Variants in IRAG2 observed in about 807,000 individuals in gnomAD.
IRAG2 encodes lymphoid restricted membrane protein.
Under a neutral mutation model 69.9 loss-of-function variants are expected in IRAG2, and 45 were observed. That is an observed-to-expected ratio of 0.64 (90% confidence interval 0.51 to 0.83). The LOEUF is 0.83. Ranked by LOEUF, IRAG2 falls within the 40% of genes least tolerant of loss-of-function variation. The pLI is 0.00. For missense variants in IRAG2, 520 were observed against 587.0 expected (o/e 0.89, Z 1.18); for synonymous variants, 193 against 202.4 (o/e 0.95, Z 0.40).
intron 10 of IRAG2, among the ~76,000 whole-genome samples, chr12:25,086,691 CA>C (rs1177453203): frequency 6.6e-6 from 1 of 151,864 alleles, no homozygotes; most frequent in Non-Finnish European, 1.5e-5. Flanking sequence ...ACAGGGAAAT[CA>C]AGGGGAAAAA....
At chr12:25,004,652 C>T in exon 1 of IRAG2, 1 of 1,232,134 alleles carries the variant, frequency 8.1e-7, no homozygotes, top group Non-Finnish European at 1.0e-6. Flanking sequence ...CACCTCAGCT[C>T]CCCTGAGACT....
chr12:25,087,961 C>G, intron 10 of IRAG2, 139 bp from the exon 11 acceptor site: 3 of 632,622 alleles, frequency 4.7e-6, no homozygotes, highest in Non-Finnish European at 8.5e-6. Flanking sequence ...GAAACTGGTC[C>G]CTGGTACCAA....
At chr12:25,001,230 A>G (rs1488354642), upstream of IRAG2, among the ~76,000 whole-genome samples, 1 of 152,058 alleles carries the variant, frequency 6.6e-6, no homozygotes, top group Non-Finnish European at 1.5e-5. Flanking sequence ...AGAAGACAGT[A>G]GAAGAAAGCC....
rs748936629 is a variant in IRAG2, at chr12:25,106,895, A to G, written c.1149-48A>G. 5.0e-6 allele frequency: 4 copies of G among 794,704 alleles called. No individual in the cohort carries two copies. The East Asian group carries it at 1.2e-4, about 24-fold the overall frequency. The allele number at this position is 794,704 out of a possible 1,614,324, so 49.2% of individuals were successfully genotyped here. A position where few individuals can be genotyped will look rare whatever the true frequency, so the allele number is the denominator to read the frequency against. On this transcript the variant is annotated intron_variant, in intron 20 of 21. Transcript: ENST00000556887. ...TCAGCAATATTTTATGAATAATTAT[A>G]GCATATTATCCTTAGTTTCAAATAT...
chr12:25,016,805 T>C (rs924811870), intron 5 of IRAG2, among the ~76,000 whole-genome samples: 5 of 152,006 alleles, frequency 3.3e-5, no homozygotes, highest in Admixed American at 2.6e-4. Flanking sequence ...TCTCTCATAT[T>C]CCAGGCAGAA....
At chr12:25,094,951 A>G (rs546886686) in intron 14 of IRAG2, among the ~76,000 whole-genome samples, 4 of 152,248 alleles carry the variant, frequency 2.6e-5, no homozygotes, top group South Asian at 2.1e-4. Context: ...TGTGTATATT[A>G]GTTCTAACAG....
At chr12:25,018,788 G>C (rs1252064134) in intron 6 of IRAG2, among the ~76,000 whole-genome samples, 2 of 152,172 alleles carry the variant, frequency 1.3e-5, no homozygotes, top group East Asian at 3.9e-4. Context: ...TCACATAATG[G>C]ACAGAAAGGC....
At chr12:25,070,123 C>G (rs1262976219) in intron 6 of IRAG2, among the ~76,000 whole-genome samples, 3 of 152,086 alleles carry the variant, frequency 2.0e-5, no homozygotes. Context: ...TATAATTCAC[C>G]CACCAGACAA....
chr12:25,053,548 A>T (rs942727086), intron 1 of IRAG2, among the ~76,000 whole-genome samples: 2 of 152,158 alleles, frequency 1.3e-5, no homozygotes, highest in African/African-American at 4.8e-5. Flanking sequence ...CCAAAAGTAT[A>T]TAAACAGTTA....
In IRAG2 at chr12:25,107,963, A is replaced by G. The variant is rs1378836858; in HGVS notation, c.1403A>G (p.Asp468Gly). ...LTGQLFQKSV[D>G]AAPTQQEDSW... ...GGCCAATTATTCCAGAAGTCTGTGG[A>G]TGCCGCTCCCACACAGCAAGAGGAC... is the stretch of plus-strand genomic sequence containing the variant. Residue 468 changes from aspartate (D) to glycine (G), a missense_variant, in exon 22 of 22, where the codon GAT (aspartate) becomes GGT (glycine). Asp to Gly is a moderately conservative substitution (Grantham distance 94). Transcript: ENST00000556887. 2 of 1,614,180 alleles carry G rather than the reference A, an allele frequency of 1.2e-6. No homozygotes were observed. The highest frequency in any genetic ancestry group is 2.2e-5 in the East Asian group (1 of 44,886).
chr12:25,046,964 T>C, intron 16 of IRAG2, among the ~76,000 whole-genome samples: 1 of 152,190 alleles, frequency 6.6e-6, no homozygotes. Context: ...AGTATGGTAT[T>C]AGCATAAAGA....
upstream of IRAG2, among the ~76,000 whole-genome samples, chr12:25,051,542 C>T (rs534649149): frequency 1.3e-5 from 2 of 152,186 alleles, no homozygotes; most frequent in Admixed American, 6.5e-5. Context: ...CATCTGCTAA[C>T]AGAGAGTAAG....
intron 1 of IRAG2, among the ~76,000 whole-genome samples, chr12:25,060,644 T>G (rs924908729): frequency 9.9e-5 from 15 of 151,040 alleles, no homozygotes; most frequent in Non-Finnish European, 1.8e-4. Flanking sequence ...GAGGTCAGAC[T>G]GAATGACCTC....
chr12:25,094,601 A>G (rs148216027), intron 14 of IRAG2, among the ~76,000 whole-genome samples: 1 of 152,268 alleles, frequency 6.6e-6, no homozygotes, highest in Admixed American at 6.5e-5. Flanking sequence ...ATTTCTGCAA[A>G]GAAAAAATGC....
At chr12:25,057,135 G>A (rs1945309199) in intron 1 of IRAG2, among the ~76,000 whole-genome samples, 1 of 151,970 alleles carries the variant, frequency 6.6e-6, no homozygotes, top group South Asian at 2.1e-4. Context: ...AAAGTTGCAT[G>A]TCTGAGTGAT....
intron 10 of IRAG2, among the ~76,000 whole-genome samples, chr12:25,085,325 G>T (rs1332941191): frequency 6.6e-6 from 1 of 152,176 alleles, no homozygotes; most frequent in Non-Finnish European, 1.5e-5. Context: ...GCCAGAAGGG[G>T]GGATGGAGTG....
intron 15 of IRAG2, among the ~76,000 whole-genome samples, chr12:25,037,410 T>G (rs922005142): frequency 2.0e-5 from 3 of 152,160 alleles, no homozygotes; most frequent in African/African-American, 7.2e-5. Flanking sequence ...GTGATTCTCC[T>G]GCCTCAGACT....
upstream of IRAG2, among the ~76,000 whole-genome samples, chr12:25,002,074 T>G (rs1438744757): frequency 6.6e-6 from 1 of 152,188 alleles, no homozygotes. Flanking sequence ...AACTACTGTT[T>G]TATAAGGCTC....
intron 1 of IRAG2, among the ~76,000 whole-genome samples, chr12:25,055,511 G>T (rs1447057201): frequency 6.6e-6 from 1 of 152,094 alleles, no homozygotes; most frequent in Non-Finnish European, 1.5e-5. Context: ...ACAACGTGCA[G>T]GTTTGTTATA....
Sources: gnomAD v4.1 joint callset for allele counts (sites outside exome capture counted in the v4.1 genomes callset) on GRCh38, gnomAD v4.1.1 for gene constraint, MANE v1.5 for transcripts, NCBI Gene and HGNC (gene_info 2026-07-23, HGNC 2026-07-21) for gene names.